CFTR: variants seen among roughly 807,000 people sequenced by gnomAD.
CFTR encodes CF transmembrane conductance regulator.
CFTR carries 181 observed loss-of-function variants against 171.6 expected under a neutral mutation model. The observed-to-expected ratio is 1.05, with a 90% CI of 0.93 to 1.19. The LOEUF (loss-of-function observed/expected upper bound fraction) is 1.19. Ranked by LOEUF, CFTR falls within the 50% of genes most tolerant of loss-of-function variation. The pLI is 0.00. For synonymous variants in CFTR, 583 were observed against 608.0 expected, an observed-to-expected ratio of 0.96 and a Z score of 0.60; for missense variants, 1,968 against 1,734.7, an observed-to-expected ratio of 1.13 and a Z score of -2.39.
intron 2 of CFTR, among the ~76,000 whole-genome samples, chr7:117,507,067 G>A (rs1292330624): frequency 6.6e-6 from 1 of 152,156 alleles, no homozygotes; most frequent in Non-Finnish European, 1.5e-5. Context: ...ACTGCAGTGT[G>A]CAAACCACAC....
chr7:117,600,434 C>T (rs1792206448), intron 15 of CFTR, among the ~76,000 whole-genome samples: 1 of 151,958 alleles, frequency 6.6e-6, no homozygotes, highest in Admixed American at 6.6e-5. Context: ...ATCTGAAGAT[C>T]CTGTTTAATG....
chr7:117,551,494 C>T (rs368380909), intron 10 of CFTR, among the ~76,000 whole-genome samples: 3 of 152,026 alleles, frequency 2.0e-5, no homozygotes, highest in Admixed American at 6.6e-5. Context: ...AAAGTAATAA[C>T]GTTGTTGACT....
intron 21 of CFTR, among the ~76,000 whole-genome samples, chr7:117,622,029 C>T (rs36024281): frequency 0.047 from 7,178 of 152,218 alleles, 576 homozygotes; most frequent in African/African-American, 0.16. Flanking sequence ...GTGAAGATCA[C>T]CATCTCTGTC....
chr7:117,524,829 G>A (rs2116662175), intron 3 of CFTR, among the ~76,000 whole-genome samples: 1 of 152,252 alleles, frequency 6.6e-6, no homozygotes, highest in Non-Finnish European at 1.5e-5. Flanking sequence ...AAATGAGTTG[G>A]TTATACAAGT....
At position 117,592,446 on chromosome 7, in the gene CFTR, C is replaced by T. The variant is rs397508359; in HGVS notation, c.2279C>T (p.Thr760Met). The change falls in exon 14 of 27, where the codon ACG becomes ATG. Residue 760 changes from threonine (T) to methionine (M), a missense_variant. Transcript: ENST00000003084. ...ATCAGCGTGATCAGCACTGGCCCCACGCTTCAGGCACGAAGGAGGCAGTCT... is the reference window on the plus strand; with the variant it reads ...ATCAGCGTGATCAGCACTGGCCCCATGCTTCAGGCACGAAGGAGGCAGTCT... ...PRISVISTGP[T>M]LQARRRQSVL... 53 of 1,597,484 alleles carry T rather than the reference C, an allele frequency of 3.3e-5. 1 individual carries two copies. In the East Asian group the frequency reaches 3.6e-4, roughly 11 times the overall value.
intron 1 of CFTR, among the ~76,000 whole-genome samples, chr7:117,501,784 A>C (rs1235924422): frequency 6.0e-5 from 9 of 149,852 alleles, no homozygotes; most frequent in East Asian, 1.9e-4. Flanking sequence ...AACAAAAAAA[A>C]AAAAAAAACA....
At chr7:117,517,236 T>C (rs1798609339) in intron 3 of CFTR, among the ~76,000 whole-genome samples, 1 of 151,330 alleles carries the variant, frequency 6.6e-6, no homozygotes, top group African/African-American at 2.4e-5. Flanking sequence ...GGCCCCTGTG[T>C]GTGATGTTCC....
At chr7:117,602,467 G>A (rs1031826185) in intron 15 of CFTR, among the ~76,000 whole-genome samples, 1 of 152,154 alleles carries the variant, frequency 6.6e-6, no homozygotes, top group African/African-American at 2.4e-5. Context: ...TTAATTATCT[G>A]CCAGCAGTCT....
intron 13 of CFTR, among the ~76,000 whole-genome samples, chr7:117,590,887 A>G (rs1369187912): frequency 6.6e-6 from 1 of 151,934 alleles, no homozygotes. Context: ...CTACCTCAAT[A>G]CTTCCTTGGA....
At chr7:117,624,964 C>G (rs563641388) in intron 21 of CFTR, among the ~76,000 whole-genome samples, 2 of 152,214 alleles carry the variant, frequency 1.3e-5, no homozygotes, top group East Asian at 3.9e-4. Flanking sequence ...GGTAGAATAT[C>G]CAAGGTGGAA....
intron 1 of CFTR, among the ~76,000 whole-genome samples, chr7:117,494,755 C>T (rs1460245584): frequency 6.6e-6 from 1 of 151,988 alleles, no homozygotes; most frequent in Non-Finnish European, 1.5e-5. Context: ...AAAATAAATA[C>T]CAGCAAAGTT....
chr7:117,637,567 G>A (rs896361391), intron 22 of CFTR, among the ~76,000 whole-genome samples: 2 of 152,014 alleles, frequency 1.3e-5, no homozygotes, highest in African/African-American at 4.8e-5. Context: ...TTGAGGGCAG[G>A]CATTGTTATA....
chr7:117,523,036 C>A lies in CFTR; in HGVS notation c.274-7863C>A, dbSNP rs538718610. On this transcript the variant is annotated intron_variant, in intron 3 of 26. Coordinates refer to ENST00000003084, the MANE Select transcript of CFTR (RefSeq NM_000492.4). ...AGATGATCTTATTATTAGAATTTTT[C>A]ATACCGAAAATAAACTGCATTTTAG... Among the ~76,000 whole-genome samples the A allele has an allele frequency of 1.1e-4, 16 of 152,234 alleles. No homozygotes were observed. In the South Asian group the frequency reaches 3.3e-3, roughly 32 times the overall value.
chr7:117,569,729 C>A (rs2115969257), intron 11 of CFTR, among the ~76,000 whole-genome samples: 1 of 152,148 alleles, frequency 6.6e-6, no homozygotes, highest in African/African-American at 2.4e-5. Flanking sequence ...AGTGGGGACC[C>A]TTTTCTAGAG....
chr7:117,664,213 G>A (rs1793331802), intron 24 of CFTR, among the ~76,000 whole-genome samples: 1 of 152,142 alleles, frequency 6.6e-6, no homozygotes, highest in South Asian at 2.1e-4. Context: ...ATGGGAGGTA[G>A]CACCAAGGAT....
At chr7:117,660,963 A>C (rs937861575) in intron 24 of CFTR, among the ~76,000 whole-genome samples, 3 of 152,158 alleles carry the variant, frequency 2.0e-5, no homozygotes, top group African/African-American at 7.2e-5. Context: ...AACTCTCATT[A>C]AGAGCCAGTT....
At chr7:117,660,030 ATT>A (rs4148723) in intron 24 of CFTR, among the ~76,000 whole-genome samples, 225 of 147,340 alleles carry the variant, frequency 1.5e-3, no homozygotes, top group African/African-American at 4.4e-3. Context: ...ACTCTTAGAC[ATT>A]TTTTTTTTTT....
intron 9 of CFTR, among the ~76,000 whole-genome samples, chr7:117,543,851 C>G (rs753770794): frequency 6.6e-6 from 1 of 152,142 alleles, no homozygotes; most frequent in Non-Finnish European, 1.5e-5. Flanking sequence ...AATGAGTCTT[C>G]CAATACTGTA....
intron 1 of CFTR, among the ~76,000 whole-genome samples, chr7:117,486,896 G>GGGGA (rs1554373814): frequency 1.1e-4 from 13 of 113,644 alleles, no homozygotes; most frequent in African/African-American, 3.7e-4. Context: ...GAGGGGGCGG[G>GGGGA]GAGAGAGAGA....
Sources: allele counts gnomAD v4.1 joint callset (sites outside exome capture counted in the v4.1 genomes callset), GRCh38; gene constraint gnomAD v4.1.1; transcripts MANE v1.5; gene names NCBI Gene and HGNC (gene_info 2026-07-23, HGNC 2026-07-21).